The following KCND2 variants were observed in gnomAD, a reference collection of about 807,000 sequenced individuals.
KCND2 encodes A-type voltage-gated potassium channel KCND2.
In KCND2, 16 loss-of-function variants were observed where a neutral mutation model predicts 54.4. The observed-to-expected ratio is 0.29, with a 90% CI of 0.20 to 0.45. The LOEUF (loss-of-function observed/expected upper bound fraction) is 0.45, where lower values mean the gene tolerates loss of function less well. Among genes scored for constraint, KCND2 ranks in the 20% least tolerant of loss-of-function variants. KCND2 has a pLI of 1.00. For missense variants in KCND2, 486 were observed against 824.2 expected (o/e 0.59, Z 5.02); for synonymous variants, 317 against 310.7 (o/e 1.02, Z -0.21).
chr7:120,343,340 G>A (rs1230301934), intron 1 of KCND2, among the ~76,000 whole-genome samples: 1 of 152,082 alleles, frequency 6.6e-6, no homozygotes, highest in African/African-American at 2.4e-5. Flanking sequence ...GGACTCTGTG[G>A]CATAAAAAAT....
intron 1 of KCND2, among the ~76,000 whole-genome samples, chr7:120,337,106 C>CGA (rs1800162506): frequency 6.6e-6 from 1 of 151,634 alleles, no homozygotes; most frequent in Non-Finnish European, 1.5e-5. Context: ...CTCACAATTT[C>CGA]GAGAGCTTGT....
At chr7:120,639,276 G>A (rs1793342927) in intron 1 of KCND2, among the ~76,000 whole-genome samples, 1 of 152,150 alleles carries the variant, frequency 6.6e-6, no homozygotes, top group Non-Finnish European at 1.5e-5. Flanking sequence ...AAAGAGCACA[G>A]AATCAGGAGG....
chr7:120,652,601 G>A (rs1455715559), intron 1 of KCND2, among the ~76,000 whole-genome samples: 1 of 152,200 alleles, frequency 6.6e-6, no homozygotes, highest in Non-Finnish European at 1.5e-5. Context: ...TCCTTGTGTG[G>A]TCCCAGAGAA....
At chr7:120,381,130 C>T (rs1478660990) in intron 1 of KCND2, among the ~76,000 whole-genome samples, 1 of 151,880 alleles carries the variant, frequency 6.6e-6, no homozygotes, top group Non-Finnish European at 1.5e-5. Flanking sequence ...TACAAAATAG[C>T]TGTAATCCCA....
chr7:120,688,165 T>C lies in KCND2; in HGVS notation c.1116-44738T>C, dbSNP rs112414833. On this transcript the variant is annotated intron_variant, in intron 1 of 5. Transcript: ENST00000331113. ...TTTAATGTAAAAAATTGCAAATAAC[T>C]GAAGTGTCCACTTTAGCAAAGGGTT... is the stretch of plus-strand genomic sequence containing the variant. Among the ~76,000 whole-genome samples, 151 of 152,296 alleles carry C rather than the reference T, an allele frequency of 9.9e-4. 1 individual carries two copies. The highest frequency in any genetic ancestry group is 3.4e-3 in the African/African-American group (140 of 41,576).
intron 1 of KCND2, among the ~76,000 whole-genome samples, chr7:120,337,581 C>A (rs1468852179): frequency 6.6e-6 from 1 of 152,136 alleles, no homozygotes; most frequent in Non-Finnish European, 1.5e-5. Context: ...ACAGTAAATT[C>A]TCTTCCCATT....
chr7:120,592,293 A>G (rs1792681726), intron 1 of KCND2, among the ~76,000 whole-genome samples: 3 of 152,192 alleles, frequency 2.0e-5, no homozygotes, highest in African/African-American at 7.2e-5. Flanking sequence ...TCATGCCTGT[A>G]GTCCCAGCAC....
chr7:120,641,410 C>T (rs111876864), intron 1 of KCND2, among the ~76,000 whole-genome samples: 12 of 152,270 alleles, frequency 7.9e-5, no homozygotes, highest in South Asian at 2.1e-4. Context: ...TTCCCCTCCC[C>T]GGTATGATTT....
At chr7:120,571,670 G>A (rs987536607) in intron 1 of KCND2, among the ~76,000 whole-genome samples, 2 of 152,108 alleles carry the variant, frequency 1.3e-5, no homozygotes, top group East Asian at 1.9e-4. Context: ...TTTAAAAACC[G>A]CATAACTCTT....
chr7:120,330,797 G>A (rs1179551031), intron 1 of KCND2, among the ~76,000 whole-genome samples: 2 of 151,954 alleles, frequency 1.3e-5, no homozygotes. Context: ...AATATACGTA[G>A]ATGTTTGGCT....
intron 1 of KCND2, among the ~76,000 whole-genome samples, chr7:120,579,645 T>TAAAA (rs375298101): frequency 7.6e-6 from 1 of 131,924 alleles, no homozygotes; most frequent in South Asian, 2.4e-4. Flanking sequence ...AATAAATAAA[T>TAAAA]AAAATAAAAT....
intron 1 of KCND2, among the ~76,000 whole-genome samples, chr7:120,425,282 C>T (rs1801690960): frequency 6.6e-6 from 1 of 152,114 alleles, no homozygotes; most frequent in Non-Finnish European, 1.5e-5. Context: ...GAATATTTTG[C>T]CACCTAGGAA....
chr7:120,609,363 A>G (rs942821107), intron 1 of KCND2, among the ~76,000 whole-genome samples: 6 of 152,194 alleles, frequency 3.9e-5, no homozygotes, highest in African/African-American at 1.4e-4. Flanking sequence ...TTACATAACT[A>G]TTCATACTAT....
At chr7:120,706,970 G>A (rs1001015316) in intron 1 of KCND2, among the ~76,000 whole-genome samples, 1 of 151,924 alleles carries the variant, frequency 6.6e-6, no homozygotes, top group African/African-American at 2.4e-5. Flanking sequence ...GATAGTTGAG[G>A]TACAAAACAC....
At chr7:120,294,902 A>G (rs182428405) in intron 1 of KCND2, among the ~76,000 whole-genome samples, 166 of 151,908 alleles carry the variant, frequency 1.1e-3, no homozygotes, top group African/African-American at 3.5e-3. Flanking sequence ...TATGTTTGCA[A>G]TGTATCTTTA....
intron 1 of KCND2, among the ~76,000 whole-genome samples, chr7:120,682,718 GA>G (rs1356545586): frequency 1.6e-4 from 25 of 152,226 alleles, no homozygotes; most frequent in African/African-American, 5.5e-4. Context: ...CACATTCGTT[GA>G]AATGCTTTAG....
chr7:120,703,578 A>G (rs1792429127), intron 1 of KCND2, among the ~76,000 whole-genome samples: 2 of 152,214 alleles, frequency 1.3e-5, no homozygotes, highest in Admixed American at 1.3e-4. Flanking sequence ...CTGCTGTAAC[A>G]TTCAGAAGAA....
At chr7:120,411,578 TG>T (rs1801450719) in intron 1 of KCND2, among the ~76,000 whole-genome samples, 1 of 151,850 alleles carries the variant, frequency 6.6e-6, no homozygotes, top group Non-Finnish European at 1.5e-5. Context: ...TGTGTATATG[TG>T]GGGGAAATAT....
At chr7:120,330,168 T>G (rs1448326605) in intron 1 of KCND2, among the ~76,000 whole-genome samples, 1 of 152,134 alleles carries the variant, frequency 6.6e-6, no homozygotes, top group Non-Finnish European at 1.5e-5. Flanking sequence ...TCTTAAACTT[T>G]TTTTCTGTCA....
Sources: gnomAD v4.1 joint callset for allele counts (sites outside exome capture counted in the v4.1 genomes callset) on GRCh38, gnomAD v4.1.1 for gene constraint, MANE v1.5 for transcripts, NCBI Gene and HGNC (gene_info 2026-07-23, HGNC 2026-07-21) for gene names.